IL5RA: variants seen among roughly 807,000 people sequenced by gnomAD.
The protein encoded by IL5RA is interleukin 5 receptor subunit alpha.
IL5RA carries 49 observed loss-of-function variants against 50.0 expected under a neutral mutation model. The ratio of observed to expected loss-of-function variants is 0.98; its 90% CI spans 0.78 to 1.24. IL5RA has a LOEUF of 1.24. IL5RA is among the 50% of genes most tolerant of loss of function. The probability of loss-of-function intolerance (pLI) is 0.00; values close to 1 mark genes in which losing one functional copy is unlikely to be tolerated. For synonymous variants in IL5RA, 202 were observed against 174.0 expected (o/e 1.16, Z -1.26); for missense variants, 600 against 500.4 (o/e 1.20, Z -1.90).
rs1313742753 is a variant in IL5RA at position 3,094,676 on chromosome 3, T to C, written c.855+623A>G. On this transcript the variant is annotated intron_variant, in intron 8 of 11. Transcript: ENST00000446632. ...AATTCTATTTCTAATTTTTTGAGAATTCATCATATCGTTTTTATAGTAGCT... is the reference window on the plus strand; with the variant it reads ...AATTCTATTTCTAATTTTTTGAGAACTCATCATATCGTTTTTATAGTAGCT... 2.6e-5 allele frequency among the ~76,000 whole-genome samples: 4 copies of C among 152,172 alleles called. No homozygotes were observed. In the East Asian group the frequency reaches 7.7e-4, roughly 29 times the overall value.
intron 7 of IL5RA, among the ~76,000 whole-genome samples, chr3:3,096,391 G>A (rs1017310143): frequency 1.3e-5 from 2 of 151,988 alleles, no homozygotes; most frequent in Non-Finnish European, 2.9e-5. Flanking sequence ...CTTATGGTCC[G>A]GTGAGGTGAG....
intron 4 of IL5RA, 152 bp downstream of exon 4, chr3:3,102,523 G>T: frequency 1.9e-6 from 1 of 534,660 alleles, no homozygotes. Flanking sequence ...TAGCTCACAG[G>T]CATTCTTAGA....
chr3:3,084,637 C>T (rs1404138243), intron 9 of IL5RA, among the ~76,000 whole-genome samples: 2 of 152,232 alleles, frequency 1.3e-5, no homozygotes, highest in African/African-American at 2.4e-5. Context: ...GCCCATCCTC[C>T]AGCCTCAGTT....
intron 9 of IL5RA, among the ~76,000 whole-genome samples, chr3:3,086,455 A>G (rs1219725118): frequency 1.3e-5 from 2 of 152,196 alleles, no homozygotes; most frequent in Admixed American, 1.3e-4. Context: ...AAGACATGTA[A>G]AAATTGGGAA....
At position 3,068,614 on chromosome 3, in the gene IL5RA, A is replaced by AAAAAAAAAAAAAAAAAG. The variant is rs1559856794; in HGVS notation, c.*1610_*1611insCTTTTTTTTTTTTTTTT. 7.4e-6 allele frequency: 1 copy of AAAAAAAAAAAAAAAAAG among 135,616 alleles called. No individual in the cohort carries two copies. The highest frequency in any genetic ancestry group is 2.7e-5 in the African/African-American group (1 of 37,012). 8.4% of individuals were successfully genotyped at this position (135,616 alleles called of 1,614,324 possible). On this transcript the variant is annotated 3_prime_UTR_variant, in exon 12 of 12. Transcript: ENST00000446632. Reference sequence around the variant, plus strand: ...AAAAAAAAAAAAAAAAAAAACAAAAACAGGTTTGAGATTATGAATCATTTG... The same window carrying AAAAAAAAAAAAAAAAAG: ...AAAAAAAAAAAAAAAAAAAACAAAAAAAAAAAAAAAAAAAAAGCAGGTTTGAGATTATGAATCATTTG...
At chr3:3,097,845 C>G in intron 7 of IL5RA, 25 bp downstream of exon 7, 1 of 1,593,628 alleles carries the variant, frequency 6.3e-7, no homozygotes, top group Non-Finnish European at 8.6e-7. Flanking sequence ...TCAGTTATTT[C>G]AGCTTTGGGT....
At chr3:3,106,003 C>A (rs17879461) in intron 2 of IL5RA, among the ~76,000 whole-genome samples, 293 of 152,270 alleles carry the variant, frequency 1.9e-3, no homozygotes, top group Non-Finnish European at 3.5e-3. Flanking sequence ...GTGCTCCCCC[C>A]AGAGATTTGG....
At chr3:3,071,843 G>A (rs1702310535) in intron 11 of IL5RA, among the ~76,000 whole-genome samples, 1 of 152,074 alleles carries the variant, frequency 6.6e-6, no homozygotes, top group Non-Finnish European at 1.5e-5. Flanking sequence ...GCCCATTTTG[G>A]CCTCTCAAAG....
chr3:3,096,062 A>C (rs540931225), intron 7 of IL5RA, among the ~76,000 whole-genome samples: 12 of 152,178 alleles, frequency 7.9e-5, no homozygotes, highest in African/African-American at 2.9e-4. Context: ...GTGGATCACG[A>C]GGTCAGGAGA....
intron 7 of IL5RA, 133 bp downstream of exon 7, chr3:3,097,737 G>A (rs2125979860): frequency 1.1e-6 from 1 of 949,570 alleles, no homozygotes; most frequent in South Asian, 1.8e-5. Context: ...TTGCCCCAGT[G>A]GTTTTCAAAC....
At chr3:3,090,915 A>G (rs1415073505) in intron 9 of IL5RA, among the ~76,000 whole-genome samples, 1 of 152,144 alleles carries the variant, frequency 6.6e-6, no homozygotes, top group African/African-American at 2.4e-5. Flanking sequence ...GCAATACCAC[A>G]TGTCCTGGGT....
Position 3,092,349 on chromosome 3 carries a change from A to C in IL5RA, c.869T>G (p.Met290Arg). Reference protein sequence around the residue: ...RNGYLQIEKLMTNAFISIIDD... With the variant: ...RNGYLQIEKLRTNAFISIIDD... ...AATTATTGAGATGAATGCATTGGTC[A>C]TCAATTTTTCTATCTAAGTGGGGAA... Residue 290 changes from methionine (M) to arginine (R), a missense_variant, in exon 9 of 12, where the codon ATG (methionine) becomes AGG (arginine). Met to Arg is a moderately conservative substitution (Grantham distance 91). Transcript: ENST00000446632. The surrounding 1 kb of genome is among the most constrained non-coding windows in gnomAD (Gnocchi z 4.2). The C allele has an allele frequency of 6.2e-7, 1 of 1,613,400 alleles. No individual in the cohort carries two copies. The highest frequency in any genetic ancestry group is 1.6e-4 in the Middle Eastern group (1 of 6,062).
intron 9 of IL5RA, among the ~76,000 whole-genome samples, chr3:3,082,072 CA>C (rs3840226): frequency 0.45 from 68,267 of 150,950 alleles, 16,152 homozygotes; most frequent in African/African-American, 0.62. Flanking sequence ...CTTATTTATG[CA>C]AAAAAAAATG....
chr3:3,104,911 T>A lies in IL5RA; in HGVS notation c.74A>T (p.Asp25Val). 1 of 1,601,460 alleles carries A rather than the reference T, an allele frequency of 6.2e-7. No individual in the cohort carries two copies. The highest frequency in any genetic ancestry group is 8.6e-7 in the Non-Finnish European group (1 of 1,168,768). The change falls in exon 3 of 12, where the codon GAT (aspartate) becomes GTT (valine). Residue 25 changes from aspartate to valine, a missense_variant. Asp to Val is a radical substitution (Grantham distance 152, BLOSUM62 -3). Coordinates refer to ENST00000446632, the MANE Select transcript of IL5RA (RefSeq NM_175726.4). ...TEILQADLLP[D>V]EKISLLPPVN... ...GAATAGAAGGTCCTTACTCTTTTCA[T>A]CAGGAAGTAAGTCAGCTTGCAGTAT...
intron 5 of IL5RA, 23 bp from the exon 6 acceptor site, chr3:3,098,313 G>A: frequency 6.2e-7 from 1 of 1,607,890 alleles, no homozygotes; most frequent in Non-Finnish European, 8.5e-7. Context: ...AAGTAAAAAG[G>A]ACAAAACATT....
chr3:3,091,462 C>T (rs557863791), intron 9 of IL5RA, among the ~76,000 whole-genome samples: 129 of 152,188 alleles, frequency 8.5e-4, no homozygotes, highest in African/African-American at 2.0e-3. Flanking sequence ...CTCGGCACAG[C>T]GGCTCATGCC....
intron 11 of IL5RA, among the ~76,000 whole-genome samples, chr3:3,073,140 C>T (rs1452163587): frequency 6.6e-6 from 1 of 152,208 alleles, no homozygotes; most frequent in Non-Finnish European, 1.5e-5. Flanking sequence ...CTACTTCAGT[C>T]AGCTAGTAAC....
At position 3,070,286 on chromosome 3, in the gene IL5RA, A is replaced by G. The variant is rs759735527; in HGVS notation, c.1202T>C (p.Ile401Thr). ...CTTCTCTATATAACAGATGACTTCA[A>G]TTTCCGTCTCACTGGACCCAGCTTT... ...YEKAGSSETE[I>T]EVICYIEKPG... The change falls in exon 12 of 12, where the codon ATT becomes ACT. Residue 401 changes from isoleucine (I) to threonine (T), a missense_variant. Ile to Thr is a moderately conservative substitution (Grantham distance 89). Coordinates refer to ENST00000446632, the MANE Select transcript of IL5RA (RefSeq NM_175726.4). 8.7e-6 allele frequency: 14 copies of G among 1,613,174 alleles called. No homozygotes were observed. The highest frequency in any genetic ancestry group is 1.6e-4 in the Middle Eastern group (1 of 6,062).
chr3:3,102,100 G>A lies in IL5RA; in HGVS notation c.229-270C>T, dbSNP rs184599297. ...GAGCACCATCTCCCCAGAGGTCAAT[G>A]TCGGACAGAAAATTCTCTAGAATTC... On this transcript the variant is annotated intron_variant, in intron 4 of 11. Transcript: ENST00000446632. Among the ~76,000 whole-genome samples the A allele has an allele frequency of 2.6e-4, 39 of 152,318 alleles. 1 individual carries two copies. The highest frequency in any genetic ancestry group is 8.7e-4 in the African/African-American group (36 of 41,560).
Sources: allele counts gnomAD v4.1 joint callset (sites outside exome capture counted in the v4.1 genomes callset), GRCh38; gene constraint gnomAD v4.1.1; non-coding constraint Gnocchi (gnomAD v3.1); transcripts MANE v1.5; gene names NCBI Gene and HGNC (gene_info 2026-07-23, HGNC 2026-07-21).